The following SLC25A20 variants were observed in gnomAD, a reference collection of about 807,000 sequenced individuals.
SLC25A20 encodes the protein mitochondrial carnitine/acylcarnitine carrier protein.
A neutral mutation model predicts 39.7 loss-of-function variants in SLC25A20; 29 were observed. The observed-to-expected ratio is 0.73, with a 90% CI of 0.54 to 1.00. SLC25A20 has a LOEUF of 1.00. Among genes scored for constraint, SLC25A20 ranks in the 50% least tolerant of loss-of-function variants. The pLI, the probability that SLC25A20 is intolerant of heterozygous loss-of-function variation, is 0.00. For missense variants in SLC25A20, 333 were observed against 379.9 expected (o/e 0.88, Z 1.03); for synonymous variants, 103 against 142.2 (o/e 0.72, Z 1.96).
intron 2 of SLC25A20, among the ~76,000 whole-genome samples, chr3:48,886,596 A>G (rs2083831500): frequency 6.6e-6 from 1 of 152,046 alleles, no homozygotes; most frequent in Non-Finnish European, 1.5e-5. Flanking sequence ...AGATAGGTGG[A>G]AACAGCATAA....
intron 6 of SLC25A20, 44 bp from the exon 7 acceptor site, chr3:48,859,245 G>C (rs1326914018): frequency 6.5e-7 from 1 of 1,546,802 alleles, no homozygotes; most frequent in Admixed American, 1.7e-5. Context: ...AAGGCTGTGA[G>C]AGTGGCATTC....
intron 4 of SLC25A20, among the ~76,000 whole-genome samples, chr3:48,868,001 C>T (rs2083685717): frequency 6.6e-6 from 1 of 151,250 alleles, no homozygotes; most frequent in African/African-American, 2.4e-5. Flanking sequence ...GCGGAGGTTG[C>T]GGTGAGCCGA....
chr3:48,892,179 A>G (rs952066916), intron 1 of SLC25A20, 107 bp from the exon 2 acceptor site: 2 of 840,346 alleles, frequency 2.4e-6, no homozygotes, highest in African/African-American at 3.3e-5. Context: ...GTACCCTTGT[A>G]CATGTCTTTG....
At chr3:48,870,558 CTTTTTTTT>C (rs752195846) in intron 4 of SLC25A20, among the ~76,000 whole-genome samples, 19 of 123,482 alleles carry the variant, frequency 1.5e-4, no homozygotes, top group Admixed American at 3.3e-4. Context: ...TTTTCTTTTT[CTTTTTTTT>C]TTTTTTTTTT....
intron 4 of SLC25A20, 95 bp from the exon 5 acceptor site, chr3:48,862,754 T>A: frequency 1.2e-6 from 1 of 806,638 alleles, no homozygotes. Context: ...CCATTATGTG[T>A]TACAGCAATA....
chr3:48,862,921 G>A (rs1278383046), intron 4 of SLC25A20, among the ~76,000 whole-genome samples: 1 of 152,228 alleles, frequency 6.6e-6, no homozygotes, highest in Non-Finnish European at 1.5e-5. Context: ...GCCGGGTGCA[G>A]TGGCTCATGC....
At chr3:48,881,033 A>C (rs1053999817) in intron 3 of SLC25A20, among the ~76,000 whole-genome samples, 3 of 152,200 alleles carry the variant, frequency 2.0e-5, no homozygotes, top group Non-Finnish European at 2.9e-5. Context: ...AGCCTCCAAC[A>C]ACTGAGCCTT....
At chr3:48,887,920 A>AAGGGC (rs1051078548) in intron 2 of SLC25A20, among the ~76,000 whole-genome samples, 34 of 151,680 alleles carry the variant, frequency 2.2e-4, no homozygotes, top group African/African-American at 6.0e-4. Context: ...AAGAAGAAGA[A>AAGGGC]AGGGCAGGCC....
chr3:48,859,065 CT>C (rs745858888), intron 7 of SLC25A20, 26 bp downstream of exon 7: 32 of 1,587,684 alleles, frequency 2.0e-5, no homozygotes, highest in South Asian at 1.4e-4. Flanking sequence ...CACTCTCCCC[CT>C]GTCCACCCCA....
At chr3:48,880,297 G>C (rs2083788017) in intron 3 of SLC25A20, among the ~76,000 whole-genome samples, 1 of 151,662 alleles carries the variant, frequency 6.6e-6, no homozygotes, top group South Asian at 2.1e-4. Flanking sequence ...GTTTGTGTTT[G>C]TTTTGAGACA....
intron 3 of SLC25A20, among the ~76,000 whole-genome samples, 162 bp downstream of exon 3, chr3:48,883,835 G>A (rs2083811665): frequency 1.3e-5 from 2 of 152,004 alleles, no homozygotes; most frequent in African/African-American, 4.8e-5. Context: ...TGTTGGCCAA[G>A]CTGGACTCGA....
At chr3:48,868,253 G>A (rs1370236739) in intron 4 of SLC25A20, among the ~76,000 whole-genome samples, 5 of 151,854 alleles carry the variant, frequency 3.3e-5, no homozygotes. Context: ...AGCAGAGTAG[G>A]AGGGTGTAAG....
At chr3:48,868,780 T>C (rs553658003) in intron 4 of SLC25A20, among the ~76,000 whole-genome samples, 57 of 152,284 alleles carry the variant, frequency 3.7e-4, no homozygotes, top group Admixed American at 9.8e-4. Context: ...GTGGGAAGCA[T>C]AGACTTTCAC....
In SLC25A20 at chr3:48,875,197, G is replaced by A. The variant is rs375133294; in HGVS notation, c.417+4161C>T. Reference sequence around the variant, plus strand: ...CGGCTCACTGCAACCTTCACCTCCCGGGTTCAAGCAATTCTCTGCCTCAGG... The same window carrying A: ...CGGCTCACTGCAACCTTCACCTCCCAGGTTCAAGCAATTCTCTGCCTCAGG... On this transcript the variant is annotated intron_variant, in intron 4 of 8. Coordinates refer to ENST00000319017, the MANE Select transcript of SLC25A20 (RefSeq NM_000387.6). Among the ~76,000 whole-genome samples the A allele has an allele frequency of 9.3e-5, 14 of 151,194 alleles. No homozygotes were observed. In the East Asian group the frequency reaches 2.4e-3, roughly 25 times the overall value.
intron 4 of SLC25A20, among the ~76,000 whole-genome samples, chr3:48,876,874 T>C (rs2083761859): frequency 6.6e-6 from 1 of 151,634 alleles, no homozygotes; most frequent in Non-Finnish European, 1.5e-5. Context: ...GGTGGGTGGA[T>C]CACCTCAGGT....
chr3:48,862,450 G>C, intron 5 of SLC25A20, 92 bp downstream of exon 5: 2 of 808,280 alleles, frequency 2.5e-6, no homozygotes, highest in Non-Finnish European at 4.5e-6. Context: ...ATGGTGCCAA[G>C]GCTAATCTGG....
chr3:48,882,479 A>G (rs2083801687), intron 3 of SLC25A20, among the ~76,000 whole-genome samples: 2 of 152,218 alleles, frequency 1.3e-5, no homozygotes, highest in African/African-American at 4.8e-5. Context: ...CATGTCACAT[A>G]TATTTAAGCA....
chr3:48,898,590 A>G (rs1201841870), intron 1 of SLC25A20, 100 bp downstream of exon 1: 1 of 1,060,250 alleles, frequency 9.4e-7, no homozygotes, highest in Admixed American at 2.0e-5. Flanking sequence ...AAGCTCACAC[A>G]TGCCCCTCTT....
chr3:48,889,553 T>C (rs1163630930), intron 2 of SLC25A20, among the ~76,000 whole-genome samples: 1 of 152,008 alleles, frequency 6.6e-6, no homozygotes, highest in Non-Finnish European at 1.5e-5. Context: ...TCAAACTGAC[T>C]GATCCAGATG....
Sources: allele counts gnomAD v4.1 joint callset (sites outside exome capture counted in the v4.1 genomes callset), GRCh38; gene constraint gnomAD v4.1.1; transcripts MANE v1.5; gene names NCBI Gene and HGNC (gene_info 2026-07-23, HGNC 2026-07-21).